Variants in ST6GALNAC3 observed in about 807,000 individuals in gnomAD.
The protein encoded by ST6GALNAC3 is alpha-N-acetylgalactosaminide alpha-2,6-sialyltransferase 3.
In ST6GALNAC3, 25 loss-of-function variants were observed where a neutral mutation model predicts 32.7. The observed-to-expected ratio is 0.76, with a 90% CI of 0.56 to 1.07. The LOEUF is 1.07. Ranked by LOEUF, ST6GALNAC3 falls within the 50% of genes least tolerant of loss-of-function variation. The probability of loss-of-function intolerance (pLI) is 0.00; values close to 1 mark genes in which losing one functional copy is unlikely to be tolerated. For synonymous variants in ST6GALNAC3, 129 were observed against 133.1 expected (o/e 0.97, Z 0.21); for missense variants, 355 against 382.4 (o/e 0.93, Z 0.60).
intron 4 of ST6GALNAC3, among the ~76,000 whole-genome samples, chr1:76,627,866 G>A (rs1649073291): frequency 1.3e-5 from 2 of 151,924 alleles, no homozygotes; most frequent in African/African-American, 2.4e-5. Context: ...ATTTGCAAAA[G>A]CAAGTTTGTC....
intron 1 of ST6GALNAC3, among the ~76,000 whole-genome samples, chr1:76,276,578 T>C (rs1659145882): frequency 6.6e-6 from 1 of 152,192 alleles, no homozygotes. Flanking sequence ...GTTGATAAAC[T>C]GTTAAGTCGG....
intron 1 of ST6GALNAC3, among the ~76,000 whole-genome samples, chr1:76,262,213 A>G (rs948141723): frequency 2.6e-5 from 4 of 152,208 alleles, no homozygotes; most frequent in Admixed American, 2.0e-4. Context: ...AGAGAAATAT[A>G]CCCTCATTGT....
At chr1:76,331,928 T>C (rs1647194148) in intron 2 of ST6GALNAC3, among the ~76,000 whole-genome samples, 1 of 152,210 alleles carries the variant, frequency 6.6e-6, no homozygotes, top group African/African-American at 2.4e-5. Flanking sequence ...CTCATGAATT[T>C]TTCTCCCTCA....
At chr1:76,441,987 G>A (rs1455967220) in intron 3 of ST6GALNAC3, among the ~76,000 whole-genome samples, 1 of 152,164 alleles carries the variant, frequency 6.6e-6, no homozygotes, top group Non-Finnish European at 1.5e-5. Context: ...GAGGCTTTGT[G>A]AGCTTATTTA....
chr1:76,447,773 G>T (rs569822838), intron 3 of ST6GALNAC3, among the ~76,000 whole-genome samples: 2 of 152,152 alleles, frequency 1.3e-5, no homozygotes, highest in African/African-American at 4.8e-5. Context: ...TTGAGCCTGC[G>T]GGTGCACGGA....
intron 3 of ST6GALNAC3, among the ~76,000 whole-genome samples, chr1:76,604,724 C>T (rs1286686261): frequency 2.0e-5 from 3 of 152,208 alleles, no homozygotes; most frequent in Non-Finnish European, 4.4e-5. Flanking sequence ...CACATCCAAA[C>T]CAGACTCTGT....
intron 3 of ST6GALNAC3, among the ~76,000 whole-genome samples, chr1:76,543,476 T>A (rs1664114177): frequency 6.6e-6 from 1 of 152,220 alleles, no homozygotes; most frequent in African/African-American, 2.4e-5. Context: ...ATTTTTATCT[T>A]CAGATCTTAT....
intron 1 of ST6GALNAC3, among the ~76,000 whole-genome samples, chr1:76,125,417 G>A (rs1649176911): frequency 6.6e-6 from 1 of 152,082 alleles, no homozygotes; most frequent in Admixed American, 6.5e-5. Flanking sequence ...TCCTCAGCAG[G>A]CTCCTCTGGG....
chr1:76,630,330 A>G lies in ST6GALNAC3; in HGVS notation c.*1524A>G. ...GAGAAGTTTTTCTATATACGTATAT[A>G]TACACGTGTGGTTCTATTTAGGTGG... On this transcript the variant is annotated 3_prime_UTR_variant, in exon 5 of 5. Transcript: ENST00000328299. 1.0e-6 allele frequency: 1 copy of G among 985,224 alleles called. No individual in the cohort carries two copies. Among genetic ancestry groups the G allele is most frequent in the Non-Finnish European group, 1.2e-6 (1 of 829,816 alleles). 61.0% of individuals were successfully genotyped at this position (985,224 alleles called of 1,614,324 possible). A position where few individuals can be genotyped will look rare whatever the true frequency, so the allele number is the denominator to read the frequency against.
At chr1:76,497,788 C>T (rs1424685179) in intron 3 of ST6GALNAC3, among the ~76,000 whole-genome samples, 5 of 152,156 alleles carry the variant, frequency 3.3e-5, no homozygotes, top group Admixed American at 6.6e-5. Flanking sequence ...ATACTCTCAA[C>T]GGCTGAAGAC....
At chr1:76,564,575 ATTTTTTTTTTTT>A (rs200008546) in intron 3 of ST6GALNAC3, among the ~76,000 whole-genome samples, 100,356 of 127,182 alleles carry the variant, frequency 0.79, 39,353 homozygotes, top group Non-Finnish European at 0.86. Flanking sequence ...TGAATGCAGC[ATTTTTTTTTTTT>A]TTTTTTTTTT....
At chr1:76,396,746 A>G (rs942334401) in intron 2 of ST6GALNAC3, among the ~76,000 whole-genome samples, 1 of 152,190 alleles carries the variant, frequency 6.6e-6, no homozygotes, top group African/African-American at 2.4e-5. Context: ...GTTTTCTCCC[A>G]AATCTGTTGG....
At chr1:76,154,970 C>T (rs1278648754) in intron 1 of ST6GALNAC3, among the ~76,000 whole-genome samples, 2 of 152,200 alleles carry the variant, frequency 1.3e-5, no homozygotes, top group East Asian at 3.8e-4. Context: ...CAAAACACCT[C>T]TTGATTGAAA....
intron 2 of ST6GALNAC3, among the ~76,000 whole-genome samples, chr1:76,316,007 C>T (rs1031517079): frequency 5.3e-5 from 8 of 152,004 alleles, no homozygotes; most frequent in African/African-American, 1.4e-4. Flanking sequence ...GGTTCTCAAT[C>T]TCATTAGTAA....
At chr1:76,112,078 C>CG (rs1648007557) in intron 1 of ST6GALNAC3, among the ~76,000 whole-genome samples, 2 of 148,332 alleles carry the variant, frequency 1.3e-5, no homozygotes, top group East Asian at 2.0e-4. Context: ...CTGACCCCCC[C>CG]ACCTCCCTCC....
At chr1:76,173,938 A>G (rs1652684587) in intron 1 of ST6GALNAC3, among the ~76,000 whole-genome samples, 1 of 152,204 alleles carries the variant, frequency 6.6e-6, no homozygotes, top group Non-Finnish European at 1.5e-5. Context: ...TGATTCCTCA[A>G]TGATCTAGAA....
intron 1 of ST6GALNAC3, among the ~76,000 whole-genome samples, chr1:76,221,193 G>A (rs763792541): frequency 1.3e-5 from 2 of 152,092 alleles, no homozygotes; most frequent in Non-Finnish European, 2.9e-5. Flanking sequence ...AACCCTCAAT[G>A]TAAAAAACAT....
Position 76,370,745 on chromosome 1 carries a change from A to G in ST6GALNAC3, c.214-41263A>G, listed in dbSNP as rs191734857. ...GAAACTAATTTATATGCAGATTAGAAAATGTTTTTGGAGTTTATTTTCCCA... is the reference window on the plus strand; with the variant it reads ...GAAACTAATTTATATGCAGATTAGAGAATGTTTTTGGAGTTTATTTTCCCA... On this transcript the variant is annotated intron_variant, in intron 2 of 4. Coordinates refer to ENST00000328299, the MANE Select transcript of ST6GALNAC3 (RefSeq NM_152996.4). 3.0e-4 allele frequency among the ~76,000 whole-genome samples: 45 copies of G among 152,208 alleles called. No individual in the cohort carries two copies. The East Asian group carries it at 8.5e-3, about 29-fold the overall frequency.
intron 3 of ST6GALNAC3, among the ~76,000 whole-genome samples, chr1:76,538,525 T>A (rs1193973745): frequency 6.6e-6 from 1 of 152,108 alleles, no homozygotes; most frequent in Non-Finnish European, 1.5e-5. Context: ...GCCAGGGCAA[T>A]CAGGCAACAG....
Sources: gnomAD v4.1 joint callset for allele counts (sites outside exome capture counted in the v4.1 genomes callset) on GRCh38, gnomAD v4.1.1 for gene constraint, MANE v1.5 for transcripts, NCBI Gene and HGNC (gene_info 2026-07-23, HGNC 2026-07-21) for gene names.